Variants in AFG2A observed in about 807,000 individuals in gnomAD.
AFG2A encodes the protein ATPase family gene 2 protein homolog A.
the AFG2A span, among the ~76,000 whole-genome samples, chr4:123,183,185 G>A: frequency 6.2e-3 from 939 of 152,184 alleles, 10 homozygotes; most frequent in African/African-American, 0.021. Context: ...ATCTGGTTCT[G>A]TTACTTACTA....
At chr4:123,007,591 T>TG in the AFG2A span, among the ~76,000 whole-genome samples, 1 of 3,640 alleles carries the variant, frequency 2.7e-4, no homozygotes, top group African/African-American at 8.9e-4. Flanking sequence ...TGTGTGTGTG[T>TG]GTGTGTGTGT....
chr4:123,154,006 CTTTCAAAGACT>C, the AFG2A span, among the ~76,000 whole-genome samples: 2 of 152,110 alleles, frequency 1.3e-5, no homozygotes, highest in Admixed American at 6.6e-5. Flanking sequence ...AGACATTTGT[CTTTCAAAGACT>C]TTTGAAAGAC....
At chr4:122,957,507 A>G in the AFG2A span, among the ~76,000 whole-genome samples, 4 of 152,230 alleles carry the variant, frequency 2.6e-5, no homozygotes, top group Admixed American at 6.5e-5. Flanking sequence ...CTTATCGAAC[A>G]TAACAGCAGC....
chr4:122,933,494 C>T, the AFG2A span: 3 of 1,609,442 alleles, frequency 1.9e-6, no homozygotes, highest in Non-Finnish European at 2.5e-6. Context: ...CCTGAGAAAA[C>T]TAGGTGAGAC....
At chr4:123,178,008 T>C in the AFG2A span, among the ~76,000 whole-genome samples, 1 of 152,234 alleles carries the variant, frequency 6.6e-6, no homozygotes, top group Non-Finnish European at 1.5e-5. Flanking sequence ...TACACTACAT[T>C]AGTTTTATGT....
the AFG2A span, among the ~76,000 whole-genome samples, chr4:123,048,390 A>G: frequency 1.3e-5 from 2 of 152,118 alleles, no homozygotes; most frequent in Non-Finnish European, 2.9e-5. Flanking sequence ...TTCTATTTCT[A>G]CCAAAGAATG....
At chr4:123,044,764 G>A in the AFG2A span, among the ~76,000 whole-genome samples, 1 of 150,262 alleles carries the variant, frequency 6.7e-6, no homozygotes, top group Non-Finnish European at 1.5e-5. Flanking sequence ...TGTCTCTGAG[G>A]ATGTCATTTT....
the AFG2A span, among the ~76,000 whole-genome samples, chr4:123,008,546 A>G: frequency 6.6e-6 from 1 of 152,352 alleles, no homozygotes; most frequent in South Asian, 2.1e-4. Flanking sequence ...TTAATGATTT[A>G]CAGCCATGCC....
chr4:123,082,017 G>T, the AFG2A span, among the ~76,000 whole-genome samples: 11 of 152,078 alleles, frequency 7.2e-5, no homozygotes, highest in African/African-American at 2.7e-4. Flanking sequence ...TTCTTTGTAT[G>T]TTTTGGATAA....
chr4:123,316,170 C>T, the AFG2A span: 1 of 152,226 alleles, frequency 6.6e-6, no homozygotes, highest in Admixed American at 6.5e-5. Flanking sequence ...CAAGACAACA[C>T]TGGTTTACCA....
the AFG2A span, among the ~76,000 whole-genome samples, chr4:123,249,029 A>G: frequency 3.3e-4 from 50 of 152,332 alleles, no homozygotes; most frequent in African/African-American, 1.1e-3. Context: ...GATTTGTCCA[A>G]ACACACAGCT....
chr4:123,019,660 T>C, the AFG2A span, among the ~76,000 whole-genome samples: 1 of 152,196 alleles, frequency 6.6e-6, no homozygotes, highest in Non-Finnish European at 1.5e-5. Context: ...TATAAAGCTG[T>C]TTTTCAGTAG....
the AFG2A span, among the ~76,000 whole-genome samples, chr4:123,202,796 C>CT: frequency 6.6e-6 from 1 of 152,138 alleles, no homozygotes; most frequent in Non-Finnish European, 1.5e-5. Flanking sequence ...TAGTTGGATT[C>CT]TCCCATCTTC....
At chr4:123,038,909 A>G in the AFG2A span, among the ~76,000 whole-genome samples, 2 of 152,146 alleles carry the variant, frequency 1.3e-5, no homozygotes, top group East Asian at 1.9e-4. Context: ...TGACCCTTCA[A>G]TTGGTTGAGG....
chr4:123,092,505 G>A, the AFG2A span, among the ~76,000 whole-genome samples: 2 of 152,298 alleles, frequency 1.3e-5, no homozygotes, highest in Admixed American at 6.5e-5. Context: ...TCTAAATCAA[G>A]CTGTCTGACT....
chr4:123,296,925 T>G, the AFG2A span, among the ~76,000 whole-genome samples: 1 of 152,220 alleles, frequency 6.6e-6, no homozygotes, highest in Non-Finnish European at 1.5e-5. Context: ...TACTCAGAAT[T>G]ATAGCATGAA....
chr4:123,239,179 A>G, the AFG2A span, among the ~76,000 whole-genome samples: 1 of 152,240 alleles, frequency 6.6e-6, no homozygotes, highest in Non-Finnish European at 1.5e-5. Context: ...ATATGGGACT[A>G]TGTGAAAAGA....
the AFG2A span, among the ~76,000 whole-genome samples, chr4:123,246,963 T>C: frequency 3.3e-5 from 5 of 152,200 alleles, no homozygotes; most frequent in Non-Finnish European, 7.4e-5. Context: ...TTGTTTCCAA[T>C]TAAAGCCTTA....
chr4:122,946,261 C>T, the AFG2A span, among the ~76,000 whole-genome samples: 1 of 152,206 alleles, frequency 6.6e-6, no homozygotes, highest in Non-Finnish European at 1.5e-5. Flanking sequence ...GGTAGGAAAT[C>T]AGATGAAAGG....
Sources: allele counts gnomAD v4.1 joint callset (sites outside exome capture counted in the v4.1 genomes callset), GRCh38; gene constraint gnomAD v4.1.1; transcripts MANE v1.5; gene names NCBI Gene and HGNC (gene_info 2026-07-23, HGNC 2026-07-21).